Variants in PCDHGA6 observed in about 807,000 individuals in gnomAD.
PCDHGA6 encodes the protein protocadherin gamma subfamily A, 6.
PCDHGA6 carries 41 observed loss-of-function variants against 60.6 expected under a neutral mutation model. The observed-to-expected ratio is 0.68, with a 90% CI of 0.53 to 0.88. PCDHGA6 has a LOEUF of 0.88. Among genes scored for constraint, PCDHGA6 ranks in the 40% least tolerant of loss-of-function variants. PCDHGA6 has a pLI of 0.00. For missense variants in PCDHGA6, 1,312 were observed against 1,203.0 expected, an observed-to-expected ratio of 1.09 and a Z score of -1.34; for synonymous variants, 594 against 524.4, an observed-to-expected ratio of 1.13 and a Z score of -1.81.
chr5:141,414,909 C>T (rs1230113440), intron 1 of PCDHGA6: 10 of 1,614,102 alleles, frequency 6.2e-6, no homozygotes, highest in Admixed American at 1.7e-5. Context: ...GTTCCACAGG[C>T]GTGGAGCTGG....
intron 1 of PCDHGA6, among the ~76,000 whole-genome samples, chr5:141,447,652 C>T (rs901761789): frequency 6.6e-6 from 1 of 151,972 alleles, no homozygotes; most frequent in African/African-American, 2.4e-5. Context: ...TAGAATTTTC[C>T]CCCCCAGGAA....
chr5:141,393,527 T>C, intron 1 of PCDHGA6: 2 of 1,613,990 alleles, frequency 1.2e-6, no homozygotes, highest in South Asian at 1.1e-5. Context: ...CAAATGACAA[T>C]GCCCCGGTTT....
intron 1 of PCDHGA6, among the ~76,000 whole-genome samples, chr5:141,473,431 G>T (rs541546681): frequency 3.3e-5 from 5 of 152,148 alleles, no homozygotes; most frequent in Non-Finnish European, 7.3e-5. Flanking sequence ...CAGATACTTT[G>T]CTTATGCAAA....
chr5:141,400,369 T>C (rs2150855153), intron 1 of PCDHGA6: 2 of 1,614,078 alleles, frequency 1.2e-6, no homozygotes, highest in Admixed American at 3.3e-5. Context: ...GCCTTATTCC[T>C]ACAACCTATG....
At chr5:141,409,761 T>C (rs1373037367) in intron 1 of PCDHGA6, 1 of 1,612,966 alleles carries the variant, frequency 6.2e-7, no homozygotes, top group African/African-American at 1.3e-5. Flanking sequence ...CAGCGCGCCT[T>C]TGATCACGAG....
chr5:141,413,992 A>G (rs1437832303), intron 1 of PCDHGA6: 1 of 1,613,538 alleles, frequency 6.2e-7, no homozygotes, highest in Admixed American at 1.7e-5. Flanking sequence ...AGCCACCGAC[A>G]GGGACGAAGG....
chr5:141,428,040 G>T, intron 1 of PCDHGA6: 1 of 1,608,668 alleles, frequency 6.2e-7, no homozygotes, highest in Non-Finnish European at 8.5e-7. Flanking sequence ...CGGCTACCTG[G>T]TGACCAAGGT....
intron 1 of PCDHGA6, among the ~76,000 whole-genome samples, chr5:141,438,747 T>C (rs2098059577): frequency 6.7e-6 from 1 of 148,680 alleles, no homozygotes. Flanking sequence ...CTGCAACCTC[T>C]GCCTCCTGGG....
intron 1 of PCDHGA6, chr5:141,422,082 G>A (rs2096622921): frequency 6.2e-7 from 1 of 1,612,284 alleles, no homozygotes; most frequent in East Asian, 2.2e-5. Context: ...TTCGGAACAT[G>A]GAAAGCAAGG....
chr5:141,432,632 G>A lies in PCDHGA6; in HGVS notation c.2424+56125G>A. 3.7e-6 allele frequency: 6 copies of A among 1,612,834 alleles called. No individual in the cohort carries two copies. The highest frequency in any genetic ancestry group is 5.1e-6 in the Non-Finnish European group (6 of 1,179,706). On this transcript the variant is annotated intron_variant, in intron 1 of 3. Coordinates refer to ENST00000517434, the MANE Select transcript of PCDHGA6 (RefSeq NM_018919.3). The surrounding 1 kb of genome is among the most constrained non-coding windows in gnomAD (Gnocchi z 6.0). ...CTTCTCGGTGGGTCTGCACACGGGC[G>A]AGGTGCGCACGGCGCGAGCCCTGCT...
chr5:141,422,487 T>C lies in PCDHGA6; in HGVS notation c.2424+45980T>C, dbSNP rs1295400741. 5.0e-6 allele frequency: 8 copies of C among 1,613,938 alleles called. No individual in the cohort carries two copies. The East Asian group carries it at 1.8e-4, about 36-fold the overall frequency. ...ACAGGGAGTTGGTCCAGAGCTACAA[T>C]ATAACGTTGACAGCCACAGACCAGG... On this transcript the variant is annotated intron_variant, in intron 1 of 3. Coordinates refer to ENST00000517434, the MANE Select transcript of PCDHGA6 (RefSeq NM_018919.3).
rs768847018 is a variant in PCDHGA6 at position 141,431,426 on chromosome 5, A to C, written c.2424+54919A>C. On this transcript the variant is annotated intron_variant, in intron 1 of 3. Transcript: ENST00000517434. The surrounding 1 kb of genome is among the most constrained non-coding windows in gnomAD (Gnocchi z 4.8). ...CTCCGACGGGGGCGACCCGGTGCGCACAGGCACCGCGCGCATCCGCGTGAT... is the reference window on the plus strand; with the variant it reads ...CTCCGACGGGGGCGACCCGGTGCGCCCAGGCACCGCGCGCATCCGCGTGAT... 6.2e-7 allele frequency: 1 copy of C among 1,613,666 alleles called. No individual in the cohort carries two copies. The highest frequency in any genetic ancestry group is 1.1e-5 in the South Asian group (1 of 91,078).
intron 1 of PCDHGA6, chr5:141,417,924 T>C (rs1197566429): frequency 1.9e-6 from 3 of 1,609,340 alleles, no homozygotes; most frequent in Admixed American, 1.7e-5. Flanking sequence ...CCTTTGCTGC[T>C]GCCTTTGTTC....
At chr5:141,419,617 C>G (rs780077182) in intron 1 of PCDHGA6, 1 of 1,612,280 alleles carries the variant, frequency 6.2e-7, no homozygotes. Flanking sequence ...AGCCAGGCTA[C>G]CTGGTGACCA....
In PCDHGA6 at chr5:141,374,635, C is replaced by T. The variant is rs759050511; in HGVS notation, c.552C>T (p.Ser184=). The T allele has an allele frequency of 6.2e-7, 1 of 1,613,044 alleles. No homozygotes were observed. The highest frequency in any genetic ancestry group is 8.5e-7 in the Non-Finnish European group (1 of 1,179,462). Reference sequence around the variant, plus strand: ...GTCACTTCTCAGTGGACGTGCAAAGCGAAGCCCATGGGCCCAAGTACCCGG... The same window carrying T: ...GTCACTTCTCAGTGGACGTGCAAAGTGAAGCCCATGGGCCCAAGTACCCGG... ...GNSHFSVDVQ[S]EAHGPKYPEL... is the part of the protein sequence containing the mutation. Residue 184 remains serine, a synonymous_variant, in exon 1 of 4, where the codon AGC becomes AGT. Transcript: ENST00000517434.
At chr5:141,418,882 C>T (rs945382775) in intron 1 of PCDHGA6, 8 of 1,613,960 alleles carry the variant, frequency 5.0e-6, no homozygotes, top group Admixed American at 1.7e-5. Flanking sequence ...TAGACGAAAA[C>T]GACAACAGCC....
intron 1 of PCDHGA6, among the ~76,000 whole-genome samples, chr5:141,450,564 G>A (rs1397334260): frequency 2.0e-5 from 3 of 151,932 alleles, no homozygotes; most frequent in African/African-American, 7.3e-5. Context: ...TCGGCTCACT[G>A]CAACTTCTGC....
intron 1 of PCDHGA6, among the ~76,000 whole-genome samples, chr5:141,445,447 A>C (rs974383838): frequency 6.6e-6 from 1 of 152,222 alleles, no homozygotes; most frequent in Non-Finnish European, 1.5e-5. Flanking sequence ...TGGACTAAGG[A>C]TGCAGCAATG....
chr5:141,511,695 C>T lies in PCDHGA6; in HGVS notation c.*522C>T, dbSNP rs1009832192. 1 of 195,662 alleles carries T rather than the reference C, an allele frequency of 5.1e-6. No individual in the cohort carries two copies. Among genetic ancestry groups the T allele is most frequent in the Non-Finnish European group, 1.1e-5 (1 of 92,626 alleles). The allele number at this position is 195,662 out of a possible 1,614,324, so 12.1% of individuals were successfully genotyped here. On this transcript the variant is annotated 3_prime_UTR_variant, in exon 4 of 4. Coordinates refer to ENST00000517434, the MANE Select transcript of PCDHGA6 (RefSeq NM_018919.3). ...CTTCCCCCAAAGCATGGTTTGGTGC[C>T]AGCCCCTTCACCTCCTTCCAGAGCC...
Sources: gnomAD v4.1 joint callset for allele counts (sites outside exome capture counted in the v4.1 genomes callset) on GRCh38, gnomAD v4.1.1 for gene constraint, Gnocchi (gnomAD v3.1) non-coding constraint, MANE v1.5 for transcripts, NCBI Gene and HGNC (gene_info 2026-07-23, HGNC 2026-07-21) for gene names.